The following CDH13 variants were observed in gnomAD, a reference collection of about 807,000 sequenced individuals.
CDH13 encodes cadherin-13.
A neutral mutation model predicts 63.8 loss-of-function variants in CDH13; 24 were observed. That is an observed-to-expected ratio of 0.38 (90% CI 0.27 to 0.53). CDH13 has a LOEUF of 0.53. Ranked by LOEUF, CDH13 falls within the 20% of genes least tolerant of loss-of-function variation. CDH13 has a pLI of 0.85. For missense variants in CDH13, 1,049 were observed against 903.1 expected, an observed-to-expected ratio of 1.16 and a Z score of -2.07; for synonymous variants, 503 against 355.3, an observed-to-expected ratio of 1.42 and a Z score of -4.67.
At chr16:83,321,215 C>A (rs967462557) in intron 5 of CDH13, among the ~76,000 whole-genome samples, 1 of 152,174 alleles carries the variant, frequency 6.6e-6, no homozygotes, top group Non-Finnish European at 1.5e-5. Context: ...CTATTATTAA[C>A]GTGCTAATTC....
intron 1 of CDH13, among the ~76,000 whole-genome samples, chr16:82,856,697 A>C (rs1407074690): frequency 4.3e-5 from 1 of 23,366 alleles, no homozygotes; most frequent in African/African-American, 1.2e-4. Flanking sequence ...CGGTCTCAAA[A>C]AAAAAAAAAA....
intron 4 of CDH13, among the ~76,000 whole-genome samples, chr16:83,166,928 C>G (rs1005139251): frequency 6.6e-6 from 1 of 152,096 alleles, no homozygotes; most frequent in African/African-American, 2.4e-5. Flanking sequence ...CCTGTTGCAC[C>G]TCACAATTAG....
chr16:83,025,720 C>T (rs966817681), intron 2 of CDH13, among the ~76,000 whole-genome samples: 1 of 152,154 alleles, frequency 6.6e-6, no homozygotes, highest in Non-Finnish European at 1.5e-5. Flanking sequence ...TTAAAACTTC[C>T]CTTTCTTGGG....
intron 2 of CDH13, among the ~76,000 whole-genome samples, chr16:82,870,812 A>G (rs1190279366): frequency 2.0e-5 from 3 of 152,238 alleles, no homozygotes; most frequent in Admixed American, 1.3e-4. Flanking sequence ...ATATTAATCT[A>G]TGTAAAGGGT....
chr16:82,813,778 G>A (rs1248214203), intron 1 of CDH13, among the ~76,000 whole-genome samples: 1 of 152,142 alleles, frequency 6.6e-6, no homozygotes, highest in African/African-American at 2.4e-5. Flanking sequence ...CCATCTACAG[G>A]ACCTTTACTA....
At chr16:83,792,340 A>G (rs1916327789) in intron 13 of CDH13, among the ~76,000 whole-genome samples, 2 of 152,108 alleles carry the variant, frequency 1.3e-5, no homozygotes, top group African/African-American at 4.8e-5. Context: ...AACCATCTCA[A>G]TAGCCCTGGG....
In CDH13 at chr16:83,632,962, A is replaced by G. The variant is rs151337352; in HGVS notation, c.1101+30368A>G. Among the ~76,000 whole-genome samples, 8 of 152,006 alleles carry G rather than the reference A, an allele frequency of 5.3e-5. No homozygotes were observed. The East Asian group carries it at 1.6e-3, about 30-fold the overall frequency. On this transcript the variant is annotated intron_variant, in intron 8 of 13. Transcript: ENST00000567109. The stretch of plus-strand genomic sequence containing the variant: ...ATATAGGTAACTTCCTGATGTTACC[A>G]TGGCATTTGTAAACTGTCATGGCAC...
At position 83,699,390 on chromosome 16, in the gene CDH13, T is replaced by C. The variant is rs551954144; in HGVS notation, c.1538+20929T>C. Among the ~76,000 whole-genome samples the C allele has an allele frequency of 9.2e-5, 14 of 152,324 alleles. No homozygotes were observed. In the East Asian group the frequency reaches 2.7e-3, roughly 29 times the overall value. On this transcript the variant is annotated intron_variant, in intron 10 of 13. Transcript: ENST00000567109. ...CCTGCCTTTGAGAACTAAATAAATATGTGATAAGTTGATAAGTCCTGACTG... is the reference window on the plus strand; with the variant it reads ...CCTGCCTTTGAGAACTAAATAAATACGTGATAAGTTGATAAGTCCTGACTG...
intron 2 of CDH13, among the ~76,000 whole-genome samples, chr16:82,952,013 C>G (rs761663595): frequency 6.6e-6 from 1 of 152,214 alleles, no homozygotes; most frequent in Non-Finnish European, 1.5e-5. Flanking sequence ...CTATACGCTT[C>G]ACTGGAACAT....
chr16:83,130,512 C>T (rs558435389), intron 4 of CDH13, among the ~76,000 whole-genome samples: 1 of 152,200 alleles, frequency 6.6e-6, no homozygotes, highest in African/African-American at 2.4e-5. Context: ...ATAAGGTGGA[C>T]AGAGGGTTGG....
intron 5 of CDH13, among the ~76,000 whole-genome samples, chr16:83,289,215 T>G (rs2089405873): frequency 6.6e-6 from 1 of 152,192 alleles, no homozygotes; most frequent in Admixed American, 6.5e-5. Context: ...TGTCAGGAAA[T>G]GAACAGTACA....
chr16:83,340,592 A>C (rs2090700137), intron 5 of CDH13, among the ~76,000 whole-genome samples: 1 of 152,162 alleles, frequency 6.6e-6, no homozygotes, highest in Non-Finnish European at 1.5e-5. Flanking sequence ...GTGCACCCGA[A>C]TTCTCTAGAA....
At chr16:82,803,013 C>T (rs1205050936) in intron 1 of CDH13, among the ~76,000 whole-genome samples, 2 of 152,230 alleles carry the variant, frequency 1.3e-5, no homozygotes, top group Admixed American at 6.5e-5. Flanking sequence ...GTTCGGTTTT[C>T]TTCCTTCCAG....
chr16:83,704,450 T>C (rs527402203), intron 10 of CDH13, among the ~76,000 whole-genome samples: 1 of 151,876 alleles, frequency 6.6e-6, no homozygotes, highest in Non-Finnish European at 1.5e-5. Flanking sequence ...TTTAGGGTGT[T>C]TAGGGAAATG....
At chr16:83,295,784 G>T (rs2089578684) in intron 5 of CDH13, among the ~76,000 whole-genome samples, 1 of 151,984 alleles carries the variant, frequency 6.6e-6, no homozygotes, top group Admixed American at 6.6e-5. Flanking sequence ...TTTAAAAGTA[G>T]AACTATCATA....
chr16:83,157,986 G>C (rs568140072), intron 4 of CDH13, among the ~76,000 whole-genome samples: 5 of 152,144 alleles, frequency 3.3e-5, no homozygotes, highest in Admixed American at 1.3e-4. Context: ...CTAGAAAAGA[G>C]CACTAGCAGC....
rs568672766 is a variant in CDH13, at chr16:82,742,572, A to G, written c.45+115435A>G. 2.0e-5 allele frequency among the ~76,000 whole-genome samples: 3 copies of G among 152,258 alleles called. No individual in the cohort carries two copies. The South Asian group carries it at 6.2e-4, about 32-fold the overall frequency. ...CTTTTGTAATTAACTAAGAACTGAA[A>G]TGAATTTTCTAAATAGAATTGTTCT... On this transcript the variant is annotated intron_variant, in intron 1 of 13. Transcript: ENST00000567109.
In CDH13 at chr16:82,691,438, C is replaced by T. The variant is rs9922447; in HGVS notation, c.45+64301C>T. 2.6e-3 allele frequency among the ~76,000 whole-genome samples: 389 copies of T among 152,084 alleles called. 1 individual carries two copies. Among genetic ancestry groups the T allele is most frequent in the Non-Finnish European group, 4.4e-3 (302 of 67,994 alleles). ...GGGTGAAAGTTGGTGAATGGGTGTC[C>T]CAGCCTCCCTGCCCTTTGGTGGGAC... On this transcript the variant is annotated intron_variant, in intron 1 of 13. Transcript: ENST00000567109.
At chr16:83,120,258 C>G (rs1380835455) in intron 3 of CDH13, among the ~76,000 whole-genome samples, 2 of 152,262 alleles carry the variant, frequency 1.3e-5, no homozygotes, top group East Asian at 1.9e-4. Context: ...CCGTAATAAT[C>G]AAGGAAATGG....
Sources: gnomAD v4.1 joint callset for allele counts (sites outside exome capture counted in the v4.1 genomes callset) on GRCh38, gnomAD v4.1.1 for gene constraint, MANE v1.5 for transcripts, NCBI Gene and HGNC (gene_info 2026-07-23, HGNC 2026-07-21) for gene names.